HIF1A: variants seen among roughly 807,000 people sequenced by gnomAD.
The protein encoded by HIF1A is hypoxia inducible factor 1 subunit alpha.
Under a neutral mutation model 92.7 loss-of-function variants are expected in HIF1A, and 24 were observed. That is an observed-to-expected ratio of 0.26 (90% CI 0.19 to 0.36). The LOEUF (loss-of-function observed/expected upper bound fraction) is 0.36. HIF1A is among the 10% of genes least tolerant of loss of function. The probability of loss-of-function intolerance (pLI) is 1.00; values close to 1 mark genes in which losing one functional copy is unlikely to be tolerated. For synonymous variants in HIF1A, 319 were observed against 338.7 expected (o/e 0.94, Z 0.64); for missense variants, 799 against 998.5 (o/e 0.80, Z 2.69).
intron 14 of HIF1A, among the ~76,000 whole-genome samples, chr14:61,746,389 C>G (rs1594891319): frequency 2.1e-5 from 1 of 48,624 alleles, no homozygotes; most frequent in Admixed American, 3.4e-4. Flanking sequence ...ACTTTTATGA[C>G]TTCTTTTTTT....
At chr14:61,722,673 A>G (rs1473979361) in intron 4 of HIF1A, among the ~76,000 whole-genome samples, 4 of 152,266 alleles carry the variant, frequency 2.6e-5, no homozygotes, top group Non-Finnish European at 5.9e-5. Context: ...CCAGAATTTT[A>G]AGACAAACAA....
At chr14:61,700,363 A>T (rs2044164363) in intron 1 of HIF1A, among the ~76,000 whole-genome samples, 2 of 152,118 alleles carry the variant, frequency 1.3e-5, no homozygotes, top group South Asian at 4.1e-4. Flanking sequence ...CTGCAAATTT[A>T]ACTACTCTAG....
At position 61,701,090 on chromosome 14, in the gene HIF1A, T is replaced by G. The variant is rs376172646; in HGVS notation, c.35+5251T>G. On this transcript the variant is annotated intron_variant, in intron 1 of 14. Coordinates refer to ENST00000337138, the MANE Select transcript of HIF1A (RefSeq NM_001530.4). ...TGTTCTATTGTTGATAAAGCCCAAT[T>G]TAATTAGGAAATTTGTTCTCTAAGA... 2.2e-4 allele frequency among the ~76,000 whole-genome samples: 34 copies of G among 152,364 alleles called. No homozygotes were observed. In the East Asian group the frequency reaches 5.8e-3, roughly 26 times the overall value.
chr14:61,697,213 G>C (rs945345808), intron 1 of HIF1A, among the ~76,000 whole-genome samples: 1 of 152,118 alleles, frequency 6.6e-6, no homozygotes, highest in Non-Finnish European at 1.5e-5. Flanking sequence ...TAAATTCTTA[G>C]TTTGTATACA....
intron 1 of HIF1A, among the ~76,000 whole-genome samples, chr14:61,704,386 T>A (rs539180299): frequency 6.6e-6 from 1 of 152,288 alleles, no homozygotes; most frequent in Non-Finnish European, 1.5e-5. Context: ...CTGGTTTATG[T>A]ATAGACATGT....
intron 12 of HIF1A, among the ~76,000 whole-genome samples, chr14:61,742,194 G>C (rs952251419): frequency 1.1e-4 from 16 of 152,232 alleles, no homozygotes; most frequent in Admixed American, 7.2e-4. Flanking sequence ...AATTTGTAAG[G>C]GGATTTCACA....
intron 1 of HIF1A, among the ~76,000 whole-genome samples, chr14:61,708,142 T>G (rs1281408543): frequency 1.3e-5 from 2 of 152,218 alleles, no homozygotes; most frequent in African/African-American, 2.4e-5. Flanking sequence ...TTGCCCACTT[T>G]TTGATGGGGT....
At chr14:61,728,630 AGTT>A (rs774250659) in intron 6 of HIF1A, among the ~76,000 whole-genome samples, 2 of 152,218 alleles carry the variant, frequency 1.3e-5, no homozygotes, top group Non-Finnish European at 2.9e-5. Flanking sequence ...GGCTACATAC[AGTT>A]GGTGTCTAAA....
Position 61,738,332 on chromosome 14 carries a change from C to T in HIF1A, c.1495C>T (p.Pro499Ser). The T allele has an allele frequency of 3.7e-6, 6 of 1,612,978 alleles. No individual in the cohort carries two copies. The highest frequency in any genetic ancestry group is 5.1e-6 in the Non-Finnish European group (6 of 1,179,396). Residue 499 changes from proline to serine, a missense_variant, in exon 10 of 15, where the codon CCT (proline) becomes TCT (serine). Physicochemically the swap from Pro to Ser is moderately conservative, Grantham distance 74. Coordinates refer to ENST00000337138, the MANE Select transcript of HIF1A (RefSeq NM_001530.4). The part of the protein sequence containing the change: ...FTMPQIQDQT[P>S]SPSDGSTRQS... ...CATGCCCCAGATTCAGGATCAGACA[C>T]CTAGTCCTTCCGATGGAAGCACTAG...
At position 61,741,092 on chromosome 14, in the gene HIF1A, C is replaced by T; in HGVS notation, c.1997C>T (p.Thr666Ile). 2 of 1,613,864 alleles carry T rather than the reference C, an allele frequency of 1.2e-6. No homozygotes were observed. Among genetic ancestry groups the T allele is most frequent in the East Asian group, 4.5e-5 (2 of 44,884 alleles). ...CCATATAGAGATACTCAAAGTCGGA[C>T]AGCCTCACCAAACAGAGCAGGAAAA... ...SSPYRDTQSRTASPNRAGKGV... is the reference protein window; with the variant it reads ...SSPYRDTQSRIASPNRAGKGV... Residue 666 changes from threonine to isoleucine, a missense_variant, in exon 12 of 15, where the codon ACA becomes ATA. This residue lies in a region of HIF1A where 283 missense variants were observed against 277.5 expected (regional missense o/e 1.02). Transcript: ENST00000337138.
At chr14:61,739,504 T>C (rs1248935073) in intron 10 of HIF1A, among the ~76,000 whole-genome samples, 2 of 152,180 alleles carry the variant, frequency 1.3e-5, no homozygotes, top group Non-Finnish European at 2.9e-5. Flanking sequence ...ACTGACAAGC[T>C]AAGAGTAGGG....
Position 61,729,486 on chromosome 14 carries a change from A to AC in HIF1A, c.773+1831_773+1832insC, listed in dbSNP as rs372721972. 1.3e-3 allele frequency among the ~76,000 whole-genome samples: 189 copies of AC among 147,820 alleles called. 11 individuals are homozygous for AC. Among genetic ancestry groups the AC allele is most frequent in the Admixed American group, 2.6e-3 (39 of 14,798 alleles). ...CAAAAAACAAAAACAAAACAAAAAA[A>AC]AGACCTCAGAAGGATGTTGTCAGGA... On this transcript the variant is annotated intron_variant, in intron 6 of 14. Transcript: ENST00000337138.
chr14:61,742,926 G>A (rs1188631668), intron 12 of HIF1A, among the ~76,000 whole-genome samples: 2 of 143,310 alleles, frequency 1.4e-5, no homozygotes, highest in African/African-American at 5.1e-5. Context: ...ACTGACAGAT[G>A]CATGAATACA....
At chr14:61,732,175 C>G (rs1594879524) in intron 6 of HIF1A, among the ~76,000 whole-genome samples, 1 of 152,114 alleles carries the variant, frequency 6.6e-6, no homozygotes, top group East Asian at 1.9e-4. Flanking sequence ...TTTGGGTGAA[C>G]AGGATTAAAG....
intron 13 of HIF1A, 157 bp from the exon 14 acceptor site, chr14:61,745,534 T>A: frequency 1.5e-6 from 1 of 681,972 alleles, no homozygotes; most frequent in Non-Finnish European, 2.6e-6. Flanking sequence ...ATGGTCATAA[T>A]GGATGACAAA....
At chr14:61,746,903 T>C (rs770703675) in intron 14 of HIF1A, 31 bp from the exon 15 acceptor site, 74 of 1,539,598 alleles carry the variant, frequency 4.8e-5, no homozygotes, top group Admixed American at 9.7e-5. Context: ...ACTAGATGAA[T>C]GTATACTTAG....
chr14:61,711,571 T>A (rs879417146), intron 1 of HIF1A, among the ~76,000 whole-genome samples: 1 of 152,220 alleles, frequency 6.6e-6, no homozygotes, highest in Non-Finnish European at 1.5e-5. Context: ...CCTGGCAAGA[T>A]CATTTATTTG....
At chr14:61,721,471 T>C (rs1170590279) in intron 2 of HIF1A, 38 bp from the exon 3 acceptor site, 2 of 1,560,450 alleles carry the variant, frequency 1.3e-6, no homozygotes, top group African/African-American at 1.4e-5. Flanking sequence ...AGTACAACTT[T>C]TTAACTAATT....
intron 1 of HIF1A, among the ~76,000 whole-genome samples, chr14:61,718,796 C>T (rs2044392655): frequency 6.6e-6 from 1 of 151,710 alleles, no homozygotes; most frequent in African/African-American, 2.4e-5. Flanking sequence ...TCCTTTTTTT[C>T]CTCCACCATC....
Sources: gnomAD v4.1 joint callset for allele counts (sites outside exome capture counted in the v4.1 genomes callset) on GRCh38, gnomAD v4.1.1 for gene constraint, gnomAD v4.1.1 regional missense constraint, MANE v1.5 for transcripts, NCBI Gene and HGNC (gene_info 2026-07-23, HGNC 2026-07-21) for gene names.